TRPC4: variants seen among roughly 807,000 people sequenced by gnomAD.
The protein encoded by TRPC4 is transient receptor potential cation channel subfamily C member 4.
Under a neutral mutation model 99.4 loss-of-function variants are expected in TRPC4, and 49 were observed. The ratio of observed to expected loss-of-function variants is 0.49; its 90% CI spans 0.39 to 0.63. TRPC4 has a LOEUF of 0.63. Among genes scored for constraint, TRPC4 ranks in the 20% least tolerant of loss-of-function variants. The probability of loss-of-function intolerance (pLI) is 0.00; values close to 1 mark genes in which losing one functional copy is unlikely to be tolerated. For missense variants in TRPC4, 898 were observed against 1,152.9 expected (o/e 0.78, Z 3.20); for synonymous variants, 454 against 425.9 (o/e 1.07, Z -0.81).
intron 2 of TRPC4, 110 bp from the exon 3 acceptor site, chr13:37,746,565 G>A (rs1485803908): frequency 1.4e-5 from 2 of 139,874 alleles, no homozygotes; most frequent in African/African-American, 7.3e-5. Flanking sequence ...GTCCTTGGCC[G>A]GGTTTTTTTT....
At chr13:37,821,460 T>G (rs1161543658) in intron 1 of TRPC4, among the ~76,000 whole-genome samples, 2 of 152,044 alleles carry the variant, frequency 1.3e-5, no homozygotes, top group Non-Finnish European at 2.9e-5. Flanking sequence ...TTAGAAAAAC[T>G]ATTTTAAAAT....
Position 37,637,240 on chromosome 13 carries a change from G to C in TRPC4, c.2597C>G (p.Ser866Cys). Reference sequence around the variant, plus strand: ...TTGACGAGCAACTTCTTCTGAAACAGAGAAGATTTGGTTTGCATTTTGCTC... The same window carrying C: ...TTGACGAGCAACTTCTTCTGAAACACAGAAGATTTGGTTTGCATTTTGCTC... Reference protein sequence around the residue: ...AAEQNANQIFSVSEEVARQQA... With the variant: ...AAEQNANQIFCVSEEVARQQA... Residue 866 changes from serine to cysteine, a missense_variant, in exon 11 of 11, where the codon TCT becomes TGT. Around this residue, in one of 3 missense-constraint regions of TRPC4, gnomAD observed 346 missense variants for 351.4 expected, o/e 0.98. Transcript: ENST00000379705. 6.2e-7 allele frequency: 1 copy of C among 1,613,882 alleles called. No individual in the cohort carries two copies. Among genetic ancestry groups the C allele is most frequent in the East Asian group, 2.2e-5 (1 of 44,870 alleles).
chr13:37,789,974 G>A (rs1220547571), intron 1 of TRPC4, among the ~76,000 whole-genome samples: 3 of 152,038 alleles, frequency 2.0e-5, no homozygotes, highest in African/African-American at 7.2e-5. Context: ...CAGATAACAG[G>A]AGAATAAAAC....
At chr13:37,776,393 G>A (rs563154333) in intron 2 of TRPC4, among the ~76,000 whole-genome samples, 4 of 151,896 alleles carry the variant, frequency 2.6e-5, no homozygotes, top group Middle Eastern at 3.4e-3. Context: ...TATGGGATAA[G>A]TATTTTATGG....
At chr13:37,818,449 G>A (rs537854599) in intron 1 of TRPC4, among the ~76,000 whole-genome samples, 1 of 152,158 alleles carries the variant, frequency 6.6e-6, no homozygotes, top group Non-Finnish European at 1.5e-5. Context: ...TCCCATTACT[G>A]GGTATACACC....
At chr13:37,847,881 G>T (rs750559371) in intron 1 of TRPC4, among the ~76,000 whole-genome samples, 2 of 152,086 alleles carry the variant, frequency 1.3e-5, no homozygotes, top group Non-Finnish European at 2.9e-5. Flanking sequence ...GATAAGCAGG[G>T]AAGCTGAAGG....
chr13:37,797,230 G>T (rs931358296), intron 1 of TRPC4, among the ~76,000 whole-genome samples: 1 of 151,948 alleles, frequency 6.6e-6, no homozygotes, highest in African/African-American at 2.4e-5. Flanking sequence ...CTCATGGCAT[G>T]TTAGAGGTAT....
In TRPC4 at chr13:37,674,208, A is replaced by G. The variant is rs1255678222; in HGVS notation, c.1374+20T>C. On this transcript the variant is annotated intron_variant, in intron 5 of 10. Transcript: ENST00000379705. Reference sequence around the variant, plus strand: ...AATAATCAGAACATATGCTTTACCAACAACATAAATAATAGTTACCTTTAC... The same window carrying G: ...AATAATCAGAACATATGCTTTACCAGCAACATAAATAATAGTTACCTTTAC... 13 of 1,561,192 alleles carry G rather than the reference A, an allele frequency of 8.3e-6. No individual in the cohort carries two copies. The highest frequency in any genetic ancestry group is 1.1e-5 in the Non-Finnish European group (13 of 1,156,436).
intron 1 of TRPC4, among the ~76,000 whole-genome samples, chr13:37,842,705 A>G (rs1476512452): frequency 6.6e-6 from 1 of 152,072 alleles, no homozygotes; most frequent in East Asian, 1.9e-4. Flanking sequence ...ATAAGGGTAG[A>G]CCCCTCATGA....
At chr13:37,704,625 G>T (rs1332046645) in intron 3 of TRPC4, among the ~76,000 whole-genome samples, 1 of 152,096 alleles carries the variant, frequency 6.6e-6, no homozygotes, top group Non-Finnish European at 1.5e-5. Context: ...AACAGAGCAA[G>T]ACTCTGTCTC....
At chr13:37,753,742 G>A (rs1388852457) in intron 2 of TRPC4, among the ~76,000 whole-genome samples, 3 of 152,102 alleles carry the variant, frequency 2.0e-5, no homozygotes, top group Non-Finnish European at 4.4e-5. Context: ...ATGTTCACTT[G>A]TCTGGGATGG....
At chr13:37,808,624 C>A (rs910345461) in intron 1 of TRPC4, among the ~76,000 whole-genome samples, 1 of 151,950 alleles carries the variant, frequency 6.6e-6, no homozygotes, top group African/African-American at 2.4e-5. Flanking sequence ...AGGGCACATC[C>A]GATGACTAGT....
intron 5 of TRPC4, among the ~76,000 whole-genome samples, chr13:37,670,755 G>A (rs1952810875): frequency 2.0e-5 from 3 of 152,134 alleles, no homozygotes; most frequent in African/African-American, 4.8e-5. Flanking sequence ...AGCAAGATGT[G>A]GAAAGTCCTT....
chr13:37,847,074 C>A (rs1044378439), intron 1 of TRPC4, among the ~76,000 whole-genome samples: 1 of 151,786 alleles, frequency 6.6e-6, no homozygotes, highest in Non-Finnish European at 1.5e-5. Flanking sequence ...ATTAAATTAT[C>A]TAAAGAAAGA....
chr13:37,784,730 T>C (rs1053811914), intron 1 of TRPC4, among the ~76,000 whole-genome samples: 1 of 152,054 alleles, frequency 6.6e-6, no homozygotes, highest in Non-Finnish European at 1.5e-5. Context: ...ATAAATTACA[T>C]TAACAAATAT....
chr13:37,847,992 G>A (rs1958951431), intron 1 of TRPC4, among the ~76,000 whole-genome samples: 1 of 152,118 alleles, frequency 6.6e-6, no homozygotes, highest in Non-Finnish European at 1.5e-5. Flanking sequence ...TAATAATAAT[G>A]TATGCTACAT....
chr13:37,702,361 T>C (rs1052017186), intron 3 of TRPC4, among the ~76,000 whole-genome samples: 1 of 152,212 alleles, frequency 6.6e-6, no homozygotes, highest in African/African-American at 2.4e-5. Context: ...ATAACATCCA[T>C]AGTTACTCAT....
chr13:37,819,865 C>A (rs1248397760), intron 1 of TRPC4, among the ~76,000 whole-genome samples: 1 of 149,850 alleles, frequency 6.7e-6, no homozygotes, highest in Non-Finnish European at 1.5e-5. Context: ...AAATTAACAA[C>A]CTAACATCAC....
intron 2 of TRPC4, among the ~76,000 whole-genome samples, chr13:37,754,145 C>T (rs1956033061): frequency 6.6e-6 from 1 of 151,968 alleles, no homozygotes; most frequent in Admixed American, 6.6e-5. Flanking sequence ...TTTAGAAAAC[C>T]CAGAAAATGG....
Sources: gnomAD v4.1 joint callset for allele counts (sites outside exome capture counted in the v4.1 genomes callset) on GRCh38, gnomAD v4.1.1 for gene constraint, gnomAD v4.1.1 regional missense constraint, MANE v1.5 for transcripts, NCBI Gene and HGNC (gene_info 2026-07-23, HGNC 2026-07-21) for gene names.